The following DDC variants were observed in gnomAD, a reference collection of about 807,000 sequenced individuals.
The protein encoded by DDC is aromatic-L-amino-acid decarboxylase.
A neutral mutation model predicts 60.0 loss-of-function variants in DDC; 43 were observed. That is an observed-to-expected ratio of 0.72 (90% CI 0.56 to 0.92). The LOEUF (loss-of-function observed/expected upper bound fraction) is 0.92. DDC is among the 40% of genes least tolerant of loss of function. The pLI is 0.00. For missense variants in DDC, 573 were observed against 620.2 expected, an observed-to-expected ratio of 0.92 and a Z score of 0.81; for synonymous variants, 232 against 234.6, an observed-to-expected ratio of 0.99 and a Z score of 0.10.
rs369201549 is a variant in DDC, at chr7:50,543,954, G to A, written c.132C>T (p.Ala44=). ...ACGTGTCTGGCTCCTGAGGGGCAGC[G>A]GCAGGGATCAGCGGCCGCAGGTACC... The part of the protein sequence containing the change: ...EPGYLRPLIP[A]AAPQEPDTFE... The change falls in exon 2 of 15, where the codon GCC becomes GCT. Residue 44 remains alanine (A), a synonymous_variant. Transcript: ENST00000444124. 86 of 1,614,104 alleles carry A rather than the reference G, an allele frequency of 5.3e-5. No individual in the cohort carries two copies. The African/African-American group carries it at 5.5e-4, about 10-fold the overall frequency.
At chr7:50,557,990 T>G (rs906977803) in intron 1 of DDC, among the ~76,000 whole-genome samples, 1 of 152,256 alleles carries the variant, frequency 6.6e-6, no homozygotes, top group Non-Finnish European at 1.5e-5. Flanking sequence ...TTTGAAAGTT[T>G]ATATGATAAC....
chr7:50,528,639 G>A (rs2044107976), intron 5 of DDC, among the ~76,000 whole-genome samples: 2 of 152,162 alleles, frequency 1.3e-5, no homozygotes, highest in South Asian at 2.1e-4. Context: ...GCTCAAATCT[G>A]TGCCCTGCCC....
intron 12 of DDC, among the ~76,000 whole-genome samples, chr7:50,468,862 G>T (rs1340127122): frequency 1.3e-5 from 2 of 151,994 alleles, no homozygotes; most frequent in African/African-American, 4.8e-5. Context: ...ACAGCAGCAG[G>T]CCTTCTGCAG....
intron 1 of DDC, among the ~76,000 whole-genome samples, chr7:50,556,749 C>A (rs1487917148): frequency 6.6e-6 from 1 of 152,212 alleles, no homozygotes; most frequent in Non-Finnish European, 1.5e-5. Flanking sequence ...GCCCAGCTGG[C>A]CTCCTTGGCG....
chr7:50,557,814 G>A (rs886118275), intron 1 of DDC, among the ~76,000 whole-genome samples: 2 of 152,094 alleles, frequency 1.3e-5, no homozygotes, highest in Non-Finnish European at 2.9e-5. Context: ...TTCTTTTTGC[G>A]TGTTGTCAAT....
chr7:50,484,890 G>A (rs2042849697), intron 9 of DDC, among the ~76,000 whole-genome samples: 1 of 152,082 alleles, frequency 6.6e-6, no homozygotes, highest in Non-Finnish European at 1.5e-5. Flanking sequence ...ATGACCTCCT[G>A]GTCCCAATAA....
chr7:50,557,471 G>A (rs984844403), intron 1 of DDC, among the ~76,000 whole-genome samples: 2 of 152,214 alleles, frequency 1.3e-5, no homozygotes, highest in Non-Finnish European at 2.9e-5. Flanking sequence ...TTTTAGTCCT[G>A]ACCGTAGACA....
At chr7:50,537,037 G>GTTTTTTTTTTTTTTTTTTTTTTT (rs10574868) in intron 4 of DDC, among the ~76,000 whole-genome samples, 1 of 140,364 alleles carries the variant, frequency 7.1e-6, no homozygotes. Context: ...CTAGGAAGTT[G>GTTTTTTTTTTTTTTTTTTTTTTT]TTTTTTTTTT....
At chr7:50,562,075 G>T (rs1585302757) in intron 1 of DDC, among the ~76,000 whole-genome samples, 1 of 152,162 alleles carries the variant, frequency 6.6e-6, no homozygotes. Context: ...ATGCCCCAAG[G>T]AGAGCCATCC....
chr7:50,548,652 G>A (rs1256691539), intron 1 of DDC, among the ~76,000 whole-genome samples: 1 of 152,210 alleles, frequency 6.6e-6, no homozygotes, highest in Admixed American at 6.5e-5. Context: ...GAAAGAAGCT[G>A]TCTCCATTAC....
chr7:50,529,800 A>G (rs145505700), intron 4 of DDC, among the ~76,000 whole-genome samples: 46 of 152,300 alleles, frequency 3.0e-4, no homozygotes, highest in Non-Finnish European at 5.0e-4. Flanking sequence ...GAGATGCCTT[A>G]AAGGGTTTCT....
At chr7:50,560,284 G>A (rs1162183560) in intron 1 of DDC, among the ~76,000 whole-genome samples, 1 of 152,172 alleles carries the variant, frequency 6.6e-6, no homozygotes. Context: ...GTCTTCAAGA[G>A]AGAAACAAGC....
At chr7:50,524,599 A>G (rs571028866) in intron 6 of DDC, among the ~76,000 whole-genome samples, 1 of 152,336 alleles carries the variant, frequency 6.6e-6, no homozygotes, top group South Asian at 2.1e-4. Flanking sequence ...GGGAACTGCA[A>G]ATTAGGACCA....
rs1260969347 is a variant in DDC at position 50,523,762 on chromosome 7, T to G, written c.714+4375A>C. Among the ~76,000 whole-genome samples the G allele has an allele frequency of 7.2e-5, 11 of 152,310 alleles. No homozygotes were observed. In the East Asian group the frequency reaches 2.1e-3, roughly 29 times the overall value. On this transcript the variant is annotated intron_variant, in intron 6 of 14. Coordinates refer to ENST00000444124, the MANE Select transcript of DDC (RefSeq NM_001082971.2). ...TCTCTTTGAAACACAGTTCAGCCTTTCCTTATAAAACTTTAAGCACACTCT... is the reference window on the plus strand; with the variant it reads ...TCTCTTTGAAACACAGTTCAGCCTTGCCTTATAAAACTTTAAGCACACTCT...
chr7:50,477,083 T>C (rs1387090138), intron 10 of DDC, among the ~76,000 whole-genome samples: 2 of 152,250 alleles, frequency 1.3e-5, no homozygotes, highest in African/African-American at 4.8e-5. Context: ...TTCATCTCTG[T>C]ATCCGTGGAT....
At chr7:50,497,402 T>C (rs1436296219) in intron 8 of DDC, among the ~76,000 whole-genome samples, 4 of 152,076 alleles carry the variant, frequency 2.6e-5, no homozygotes, top group Non-Finnish European at 5.9e-5. Flanking sequence ...AGAGCAGTGG[T>C]AGGAAAAGAT....
At chr7:50,500,359 C>T (rs2043224193) in intron 7 of DDC, among the ~76,000 whole-genome samples, 1 of 152,150 alleles carries the variant, frequency 6.6e-6, no homozygotes, top group African/African-American at 2.4e-5. Flanking sequence ...GGCCCCACCT[C>T]CAATACCATC....
At chr7:50,543,671 T>C (rs2044708751) in intron 2 of DDC, among the ~76,000 whole-genome samples, 1 of 152,208 alleles carries the variant, frequency 6.6e-6, no homozygotes, top group African/African-American at 2.4e-5. Flanking sequence ...ATTTTAATCC[T>C]GACTTCATCG....
In DDC at chr7:50,528,255, C is replaced by T; in HGVS notation, c.596G>A (p.Gly199Glu). 1 of 1,614,108 alleles carries T rather than the reference C, an allele frequency of 6.2e-7. No homozygotes were observed. Among genetic ancestry groups the T allele is most frequent in the Non-Finnish European group, 8.5e-7 (1 of 1,180,024 alleles). The change falls in exon 6 of 15, where the codon GGG (glycine) becomes GAG (glutamate). Residue 199 changes from glycine (G) to glutamate (E), a missense_variant. By Grantham distance (98) the Gly-to-Glu change is moderately conservative (BLOSUM62 -2). Coordinates refer to ENST00000444124, the MANE Select transcript of DDC (RefSeq NM_001082971.2). ...TTTTAATTTCACTCCACCAATTAAC[C>T]CAGCTCTTTCCACTGAGGAGTGTGC... is the stretch of plus-strand genomic sequence containing the variant. ...DQAHSSVERA[G>E]LIGGVKLKAI...
Sources: gnomAD v4.1 joint callset for allele counts (sites outside exome capture counted in the v4.1 genomes callset) on GRCh38, gnomAD v4.1.1 for gene constraint, MANE v1.5 for transcripts, NCBI Gene and HGNC (gene_info 2026-07-23, HGNC 2026-07-21) for gene names.